Variants in CNTNAP2 observed in about 807,000 individuals in gnomAD.
CNTNAP2 encodes the protein contactin-associated protein-like 2.
CNTNAP2 carries 98 observed loss-of-function variants against 155.2 expected under a neutral mutation model. The observed-to-expected ratio is 0.63, with a 90% CI of 0.54 to 0.75. The LOEUF is 0.75. Among genes scored for constraint, CNTNAP2 ranks in the 30% least tolerant of loss-of-function variants. CNTNAP2 has a pLI of 0.00. For missense variants in CNTNAP2, 1,727 were observed against 1,688.1 expected (o/e 1.02, Z -0.40); for synonymous variants, 651 against 631.2 (o/e 1.03, Z -0.47).
At chr7:146,393,950 G>A (rs1795582737) in intron 1 of CNTNAP2, among the ~76,000 whole-genome samples, 1 of 152,090 alleles carries the variant, frequency 6.6e-6, no homozygotes, top group South Asian at 2.1e-4. Flanking sequence ...TGACTAAGAA[G>A]CAAAAATATA....
chr7:147,912,194 G>C (rs1800078687), intron 14 of CNTNAP2, among the ~76,000 whole-genome samples: 1 of 151,734 alleles, frequency 6.6e-6, no homozygotes, highest in Admixed American at 6.6e-5. Flanking sequence ...GAGTTTAAAT[G>C]AGAGGATACT....
At chr7:146,642,763 G>A (rs1371245884) in intron 1 of CNTNAP2, among the ~76,000 whole-genome samples, 36 of 151,574 alleles carry the variant, frequency 2.4e-4, no homozygotes, top group African/African-American at 6.0e-4. Flanking sequence ...GAACTAGTTT[G>A]CAGTCCCACC....
At chr7:148,023,033 CCATCCCTGCCAT>C (rs1802313531) in intron 15 of CNTNAP2, among the ~76,000 whole-genome samples, 1 of 152,114 alleles carries the variant, frequency 6.6e-6, no homozygotes, top group Non-Finnish European at 1.5e-5. Context: ...ATAGCAATCC[CCATCCCTGCCAT>C]CATCATTATC....
chr7:147,356,541 A>G (rs979594749), intron 9 of CNTNAP2, among the ~76,000 whole-genome samples: 4 of 152,158 alleles, frequency 2.6e-5, no homozygotes, highest in African/African-American at 9.7e-5. Context: ...CCATTGTCTT[A>G]GCCCAAAATC....
intron 17 of CNTNAP2, among the ~76,000 whole-genome samples, chr7:148,150,102 CAAAAAAAAAAAAAAA>C (rs71188948): frequency 2.6e-4 from 22 of 84,534 alleles, no homozygotes; most frequent in Non-Finnish European, 4.5e-4. Context: ...GGGGTTGTTA[CAAAAAAAAAAAAAAA>C]AAAAAAAAAA....
At chr7:146,681,557 TGGG>T (rs1306633790) in intron 1 of CNTNAP2, among the ~76,000 whole-genome samples, 1 of 16,062 alleles carries the variant, frequency 6.2e-5, no homozygotes, top group Non-Finnish European at 1.1e-4. Context: ...GATGGGAGGG[TGGG>T]GGGAGGTGGA....
At chr7:147,198,948 C>G (rs530879692) in intron 8 of CNTNAP2, among the ~76,000 whole-genome samples, 1 of 142,108 alleles carries the variant, frequency 7.0e-6, no homozygotes, top group African/African-American at 2.6e-5. Context: ...ACTAGCTAAT[C>G]AAAGGACTTT....
chr7:148,007,947 G>A (rs546200698), intron 15 of CNTNAP2, among the ~76,000 whole-genome samples: 1 of 152,272 alleles, frequency 6.6e-6, no homozygotes, highest in South Asian at 2.1e-4. Context: ...CAGAACCTGT[G>A]AATATGCGAC....
intron 10 of CNTNAP2, among the ~76,000 whole-genome samples, chr7:147,427,274 T>C (rs1268094362): frequency 1.3e-5 from 2 of 152,090 alleles, no homozygotes; most frequent in East Asian, 1.9e-4. Flanking sequence ...TACAGTTGCA[T>C]TGGGGATTAA....
intron 12 of CNTNAP2, among the ~76,000 whole-genome samples, chr7:147,627,640 C>T (rs11983695): frequency 0.21 from 28,949 of 139,432 alleles, 3,035 homozygotes; most frequent in Middle Eastern, 0.29. Flanking sequence ...TGCAGTGAGC[C>T]GAGATTGTGC....
At chr7:147,229,238 T>C (rs1178209646) in intron 8 of CNTNAP2, among the ~76,000 whole-genome samples, 1 of 152,202 alleles carries the variant, frequency 6.6e-6, no homozygotes, top group Non-Finnish European at 1.5e-5. Flanking sequence ...CTGGGATCCA[T>C]AGCTTTACTC....
At chr7:147,670,062 T>C (rs950707683) in intron 13 of CNTNAP2, among the ~76,000 whole-genome samples, 5 of 152,192 alleles carry the variant, frequency 3.3e-5, no homozygotes, top group Non-Finnish European at 7.4e-5. Context: ...ATTGAAACTT[T>C]TGTTATTAAT....
chr7:147,018,776 G>A (rs1234741147), intron 3 of CNTNAP2, among the ~76,000 whole-genome samples: 1 of 152,014 alleles, frequency 6.6e-6, no homozygotes, highest in Non-Finnish European at 1.5e-5. Context: ...GAGCCGCTAT[G>A]TTCTAAATGT....
intron 10 of CNTNAP2, among the ~76,000 whole-genome samples, chr7:147,461,094 A>G (rs180876170): frequency 7.2e-4 from 109 of 152,326 alleles, no homozygotes; most frequent in Non-Finnish European, 1.2e-3. Flanking sequence ...AATATATAAT[A>G]TGCAATATGG....
intron 15 of CNTNAP2, among the ~76,000 whole-genome samples, chr7:147,992,472 A>C (rs1300774333): frequency 6.6e-6 from 1 of 152,152 alleles, no homozygotes; most frequent in African/African-American, 2.4e-5. Flanking sequence ...GTACATAGGA[A>C]ATAGTGCATT....
At chr7:147,065,921 G>A (rs1799770388) in intron 4 of CNTNAP2, among the ~76,000 whole-genome samples, 1 of 151,920 alleles carries the variant, frequency 6.6e-6, no homozygotes, top group African/African-American at 2.4e-5. Context: ...AAATAAAGAC[G>A]GTGATTTTCT....
intron 4 of CNTNAP2, among the ~76,000 whole-genome samples, chr7:147,070,413 T>C (rs2129265249): frequency 6.6e-6 from 1 of 152,286 alleles, no homozygotes; most frequent in African/African-American, 2.4e-5. Flanking sequence ...ATTTTCAAGG[T>C]TCAAATGCTC....
At chr7:147,741,188 G>A (rs931945913) in intron 13 of CNTNAP2, among the ~76,000 whole-genome samples, 6 of 152,196 alleles carry the variant, frequency 3.9e-5, no homozygotes, top group African/African-American at 2.4e-5. Flanking sequence ...AGCACTGGCC[G>A]CAGCACTGTC....
chr7:146,552,033 G>A (rs1214248801), intron 1 of CNTNAP2, among the ~76,000 whole-genome samples: 4 of 151,998 alleles, frequency 2.6e-5, no homozygotes, highest in African/African-American at 9.7e-5. Context: ...GATAAAAAAT[G>A]CAACTGATAT....
Sources: allele counts gnomAD v4.1 joint callset (sites outside exome capture counted in the v4.1 genomes callset), GRCh38; gene constraint gnomAD v4.1.1; transcripts MANE v1.5; gene names NCBI Gene and HGNC (gene_info 2026-07-23, HGNC 2026-07-21).